Variants in C2CD5 observed in about 807,000 individuals in gnomAD.
C2CD5 encodes C2 calcium dependent domain containing 5.
A neutral mutation model predicts 130.3 loss-of-function variants in C2CD5; 109 were observed. That is an observed-to-expected ratio of 0.84 (90% CI 0.72 to 0.98). The LOEUF (loss-of-function observed/expected upper bound fraction) is 0.98. Ranked by LOEUF, C2CD5 falls within the 50% of genes least tolerant of loss-of-function variation. C2CD5 has a pLI of 0.00. For synonymous variants in C2CD5, 454 were observed against 429.2 expected, an observed-to-expected ratio of 1.06 and a Z score of -0.71; for missense variants, 996 against 1,261.8, an observed-to-expected ratio of 0.79 and a Z score of 3.19.
At chr12:22,517,128 T>C (rs2136937543) in intron 8 of C2CD5, among the ~76,000 whole-genome samples, 2 of 152,096 alleles carry the variant, frequency 1.3e-5, no homozygotes, top group South Asian at 2.1e-4. Flanking sequence ...AGGATTGTTT[T>C]ATAAATTTCT....
At chr12:22,495,721 G>A (rs1163876800) in intron 10 of C2CD5, among the ~76,000 whole-genome samples, 4 of 152,042 alleles carry the variant, frequency 2.6e-5, no homozygotes, top group Non-Finnish European at 5.9e-5. Context: ...CAAAGCTAAA[G>A]AGTTACATAA....
intron 3 of C2CD5, 121 bp downstream of exon 3, chr12:22,535,133 AAAAG>A: frequency 3.0e-6 from 2 of 663,166 alleles, no homozygotes; most frequent in Admixed American, 6.0e-5. Flanking sequence ...AGGTAAGCAG[AAAAG>A]AAAATATTTT....
In C2CD5 at chr12:22,482,752, G is replaced by C. The variant is rs1433596156; in HGVS notation, c.1551-9C>G. ...TTTTTAAGCGACATAACCTGTAAAG[G>C]AAAATAAGTCAGTGAACAGTATTCT... On this transcript the variant is annotated splice_polypyrimidine_tract_variant and intron_variant, in intron 13 of 26. Coordinates refer to ENST00000446597, the MANE Select transcript of C2CD5 (RefSeq NM_001286176.2). 2.5e-6 allele frequency: 4 copies of C among 1,607,538 alleles called. No homozygotes were observed. Among genetic ancestry groups the C allele is most frequent in the South Asian group, 1.1e-5 (1 of 90,776 alleles).
chr12:22,534,257 G>A (rs1243484268), intron 3 of C2CD5, among the ~76,000 whole-genome samples: 1 of 152,096 alleles, frequency 6.6e-6, no homozygotes, highest in Non-Finnish European at 1.5e-5. Context: ...ATGAATCCAT[G>A]ACCTACATAT....
chr12:22,450,757 T>C (rs1044014242), intron 26 of C2CD5, among the ~76,000 whole-genome samples: 1 of 152,144 alleles, frequency 6.6e-6, no homozygotes, highest in Non-Finnish European at 1.5e-5. Context: ...TGCATCACAT[T>C]GTTTTTGTAG....
At chr12:22,486,683 T>A (rs1945571086) in intron 12 of C2CD5, among the ~76,000 whole-genome samples, 1 of 152,134 alleles carries the variant, frequency 6.6e-6, no homozygotes, top group Non-Finnish European at 1.5e-5. Context: ...GACAGTTTGG[T>A]TTAAAGACAG....
intron 2 of C2CD5, among the ~76,000 whole-genome samples, chr12:22,539,039 A>G (rs1009551736): frequency 6.6e-6 from 1 of 152,018 alleles, no homozygotes; most frequent in Non-Finnish European, 1.5e-5. Flanking sequence ...TTTATTTTTT[A>G]AGTACTAAAA....
chr12:22,515,117 C>T (rs1949585604), intron 8 of C2CD5: 1 of 985,116 alleles, frequency 1.0e-6, no homozygotes, highest in Non-Finnish European at 1.2e-6. Flanking sequence ...GGAGCTGGGA[C>T]ACAGGTAAAT....
intron 10 of C2CD5, among the ~76,000 whole-genome samples, chr12:22,504,392 C>T (rs1323373855): frequency 6.6e-6 from 1 of 151,638 alleles, no homozygotes; most frequent in Non-Finnish European, 1.5e-5. Flanking sequence ...ACCTCCGCCT[C>T]CCGGTTTCAA....
chr12:22,527,902 T>C lies in C2CD5; in HGVS notation c.178-10A>G, dbSNP rs1950870385. On this transcript the variant is annotated splice_polypyrimidine_tract_variant and intron_variant, in intron 3 of 26. Coordinates refer to ENST00000446597, the MANE Select transcript of C2CD5 (RefSeq NM_001286176.2). ...AGTCTTCATCATCCACCTACAAGTA[T>C]ACCTTAAAATTAAAACTCATATAGT... 1 of 1,570,168 alleles carries C rather than the reference T, an allele frequency of 6.4e-7. No homozygotes were observed. The highest frequency in any genetic ancestry group is 1.4e-5 in the African/African-American group (1 of 73,090).
chr12:22,505,318 C>T (rs747534884), intron 10 of C2CD5, among the ~76,000 whole-genome samples: 30 of 141,714 alleles, frequency 2.1e-4, no homozygotes, highest in Non-Finnish European at 3.4e-4. Flanking sequence ...AGTGTAGTGG[C>T]ACAATCTCGG....
chr12:22,537,114 G>A (rs1951889971), intron 2 of C2CD5, among the ~76,000 whole-genome samples: 1 of 152,176 alleles, frequency 6.6e-6, no homozygotes, highest in Non-Finnish European at 1.5e-5. Context: ...TAAGTGACAA[G>A]TTTAGAGCAC....
chr12:22,450,458 TATTC>T (rs1433326258), intron 26 of C2CD5, among the ~76,000 whole-genome samples: 1 of 152,154 alleles, frequency 6.6e-6, no homozygotes, highest in African/African-American at 2.4e-5. Context: ...AACTGTGGAA[TATTC>T]ATGCCTGAAA....
At chr12:22,538,744 C>T (rs1952061873) in intron 2 of C2CD5, among the ~76,000 whole-genome samples, 1 of 152,122 alleles carries the variant, frequency 6.6e-6, no homozygotes, top group South Asian at 2.1e-4. Context: ...TCAATACATA[C>T]TCTGTTCTTT....
rs752976376 is a variant in C2CD5, at chr12:22,471,422, G to C, written c.2335C>G (p.Leu779Val). Residue 779 changes from leucine to valine, a missense_variant, in exon 20 of 27, where the codon CTG (leucine) becomes GTG (valine). Coordinates refer to ENST00000446597, the MANE Select transcript of C2CD5 (RefSeq NM_001286176.2). Reference sequence around the variant, plus strand: ...ACCTGAATTAATTCATCTTCAGGCAGAGATACTGTAAAATTTACATGGCAA... The same window carrying C: ...ACCTGAATTAATTCATCTTCAGGCACAGATACTGTAAAATTTACATGGCAA... ...CLCHVNFTVSLPEDELIQVTV... is the reference protein window; with the variant it reads ...CLCHVNFTVSVPEDELIQVTV... The C allele has an allele frequency of 6.3e-7, 1 of 1,578,440 alleles. No individual in the cohort carries two copies. Among genetic ancestry groups the C allele is most frequent in the Non-Finnish European group, 8.7e-7 (1 of 1,148,624 alleles).
rs758605604 is a variant in C2CD5, at chr12:22,471,426, T to C, written c.2331A>G (p.Val777=). The change falls in exon 20 of 27, where the codon GTA becomes GTG. Residue 777 remains valine, a synonymous_variant. Transcript: ENST00000446597. ...PCCLCHVNFT[V]SLPEDELIQV... is the part of the protein sequence containing the mutation. ...GAATTAATTCATCTTCAGGCAGAGA[T>C]ACTGTAAAATTTACATGGCAAAGGC... The C allele has an allele frequency of 2.5e-6, 4 of 1,584,284 alleles. No homozygotes were observed. Among genetic ancestry groups the C allele is most frequent in the East Asian group, 4.5e-5 (2 of 44,596 alleles).
chr12:22,496,946 T>C (rs1253167254), intron 10 of C2CD5, among the ~76,000 whole-genome samples: 1 of 152,094 alleles, frequency 6.6e-6, no homozygotes, highest in African/African-American at 2.4e-5. Flanking sequence ...TATCTTGCCA[T>C]CTTTTTAACA....
chr12:22,502,861 A>G, intron 10 of C2CD5: 2 of 936,692 alleles, frequency 2.1e-6, no homozygotes, highest in Non-Finnish European at 3.3e-6. Flanking sequence ...AGTAGGAATA[A>G]AACAAAAAAC....
Position 22,527,730 on chromosome 12 carries a change from T to C in C2CD5, c.340A>G (p.Thr114Ala). 1 of 1,541,228 alleles carries C rather than the reference T, an allele frequency of 6.5e-7. No individual in the cohort carries two copies. The highest frequency in any genetic ancestry group is 8.9e-7 in the Non-Finnish European group (1 of 1,126,044). ...TCTTATTATTCCTTACCATGTATGG[T>C]GTCATAAATTGGAAACCATCCTGAG... ...VISGWFPIYD[T>A]IHGIRGEINV... is the part of the protein sequence containing the mutation. Residue 114 changes from threonine (T) to alanine (A), a missense_variant, in exon 4 of 27, where the codon ACC becomes GCC. Physicochemically the swap from Thr to Ala is moderately conservative, Grantham distance 58. Transcript: ENST00000446597.
Sources: gnomAD v4.1 joint callset for allele counts (sites outside exome capture counted in the v4.1 genomes callset) on GRCh38, gnomAD v4.1.1 for gene constraint, MANE v1.5 for transcripts, NCBI Gene and HGNC (gene_info 2026-07-23, HGNC 2026-07-21) for gene names.